The following PCDHGA1 variants were observed in gnomAD, a reference collection of about 807,000 sequenced individuals.
PCDHGA1 encodes protocadherin gamma subfamily A, 1.
PCDHGA1 carries 32 observed loss-of-function variants against 58.0 expected under a neutral mutation model. The ratio of observed to expected loss-of-function variants is 0.55; its 90% CI spans 0.42 to 0.74. The LOEUF is 0.74. PCDHGA1 is among the 30% of genes least tolerant of loss of function. The pLI is 0.00. For synonymous variants in PCDHGA1, 498 were observed against 501.1 expected (o/e 0.99, Z 0.08); for missense variants, 1,205 against 1,182.3 (o/e 1.02, Z -0.28).
chr5:141,462,388 C>T (rs529638718), intron 1 of PCDHGA1, among the ~76,000 whole-genome samples: 86 of 152,204 alleles, frequency 5.7e-4, no homozygotes, highest in Non-Finnish European at 9.4e-4. Context: ...AATTCGTTAA[C>T]ATTTCTTTTA....
At chr5:141,402,976 G>C in intron 1 of PCDHGA1, 5 of 1,608,120 alleles carry the variant, frequency 3.1e-6, no homozygotes, top group Non-Finnish European at 4.2e-6. Context: ...CCAAATGCCA[G>C]CTCCGCGGAA....
At chr5:141,346,418 G>A (rs1757749760) in intron 1 of PCDHGA1, 4 of 1,614,216 alleles carry the variant, frequency 2.5e-6, no homozygotes, top group Middle Eastern at 1.6e-4. Context: ...TGATAACTCA[G>A]GATTTACTTG....
chr5:141,448,786 A>C (rs1354591718), intron 1 of PCDHGA1, among the ~76,000 whole-genome samples: 1 of 148,848 alleles, frequency 6.7e-6, no homozygotes, highest in African/African-American at 2.5e-5. Flanking sequence ...TAAAAATACA[A>C]AAAAAAAAAT....
chr5:141,497,003 A>C (rs928317358), intron 2 of PCDHGA1, among the ~76,000 whole-genome samples: 2 of 152,148 alleles, frequency 1.3e-5, no homozygotes, highest in African/African-American at 4.8e-5. Context: ...CTGGCAGCCA[A>C]CATGGTGAAA....
chr5:141,360,599 A>G (rs1320690569), intron 1 of PCDHGA1: 2 of 1,613,866 alleles, frequency 1.2e-6, no homozygotes, highest in Non-Finnish European at 1.7e-6. Flanking sequence ...TTTCCACTTG[A>G]CCCAGCCCTG....
chr5:141,376,072 C>G (rs755171325), intron 1 of PCDHGA1: 9 of 1,613,498 alleles, frequency 5.6e-6, no homozygotes, highest in Middle Eastern at 1.7e-4. Flanking sequence ...TCACCGTGGC[C>G]GTGGCCGACA....
chr5:141,338,923 C>T (rs182504742), intron 1 of PCDHGA1: 1 of 1,513,342 alleles, frequency 6.6e-7, no homozygotes, highest in Non-Finnish European at 8.8e-7. Flanking sequence ...GATTGGAATC[C>T]GCACTGGATG....
At chr5:141,345,531 C>A (rs535264828) in intron 1 of PCDHGA1, 5 of 1,614,174 alleles carry the variant, frequency 3.1e-6, no homozygotes, top group Non-Finnish European at 4.2e-6. Context: ...CCAGGGGGCG[C>A]CCCTGTCCTC....
At chr5:141,460,926 G>A (rs1180507724) in intron 1 of PCDHGA1, among the ~76,000 whole-genome samples, 4 of 145,540 alleles carry the variant, frequency 2.7e-5, no homozygotes, top group African/African-American at 2.6e-5. Flanking sequence ...ATATATATAT[G>A]TGTGTGTGTA....
chr5:141,332,894 G>T lies in PCDHGA1; in HGVS notation c.2210G>T (p.Gly737Val), dbSNP rs200683011. The T allele has an allele frequency of 1.5e-5, 25 of 1,614,214 alleles. No homozygotes were observed. In the South Asian group the frequency reaches 2.6e-4, roughly 17 times the overall value. ...ASGGGLASMP[G>V]SHFVGVDGVR... ...GGAGGCGGCTTAGCGAGCATGCCCGGTTCGCACTTTGTGGGCGTGGACGGG... is the reference window on the plus strand; with the variant it reads ...GGAGGCGGCTTAGCGAGCATGCCCGTTTCGCACTTTGTGGGCGTGGACGGG... The change falls in exon 1 of 4, where the codon GGT becomes GTT. Residue 737 changes from glycine to valine, a missense_variant. Gly to Val is a moderately radical substitution (Grantham distance 109). Transcript: ENST00000517417. This position sits in a 1 kb window ranked among gnomAD's most constrained non-coding sequence, Gnocchi z 4.6.
intron 1 of PCDHGA1, chr5:141,387,968 G>C (rs1169859236): frequency 6.7e-7 from 1 of 1,489,402 alleles, no homozygotes; most frequent in Non-Finnish European, 9.0e-7. Context: ...TCTGCCCGGC[G>C]CTCTGTGAGC....
At position 141,431,203 on chromosome 5, in the gene PCDHGA1, T is replaced by C. The variant is rs139061906; in HGVS notation, c.2422-63604T>C. On this transcript the variant is annotated intron_variant, in intron 1 of 3. Coordinates refer to ENST00000517417, the MANE Select transcript of PCDHGA1 (RefSeq NM_018912.3). This position sits in a 1 kb window ranked among gnomAD's most constrained non-coding sequence, Gnocchi z 4.8. ...TAAAAATTAGTGAAAATGCAGCCACTGAGATGCGGTTCCCTCTACCCCACG... is the reference window on the plus strand; with the variant it reads ...TAAAAATTAGTGAAAATGCAGCCACCGAGATGCGGTTCCCTCTACCCCACG... The C allele has an allele frequency of 3.1e-6, 5 of 1,614,116 alleles. No individual in the cohort carries two copies. The highest frequency in any genetic ancestry group is 1.1e-5 in the South Asian group (1 of 91,090).
chr5:141,388,408 G>A (rs2091351933), intron 1 of PCDHGA1: 1 of 1,613,848 alleles, frequency 6.2e-7, no homozygotes, highest in African/African-American at 1.3e-5. Context: ...CTCAGTCCCA[G>A]TGATCATTTC....
At chr5:141,363,434 A>G (rs1040594076) in intron 1 of PCDHGA1, among the ~76,000 whole-genome samples, 4 of 152,234 alleles carry the variant, frequency 2.6e-5, no homozygotes, top group African/African-American at 9.6e-5. Flanking sequence ...CAACATAGAA[A>G]GGTCACTCAG....
intron 1 of PCDHGA1, chr5:141,403,227 G>C (rs2094378929): frequency 1.2e-6 from 2 of 1,608,848 alleles, no homozygotes; most frequent in African/African-American, 1.3e-5. Context: ...AGGATAGACC[G>C]GGAGGAGCTC....
intron 1 of PCDHGA1, chr5:141,405,544 C>T: frequency 1.6e-6 from 1 of 632,908 alleles, no homozygotes; most frequent in Non-Finnish European, 2.7e-6. Context: ...CTCAGCCTCC[C>T]AAGTAGAGTA....
chr5:141,404,242 G>A (rs372976589), intron 1 of PCDHGA1: 30 of 1,613,344 alleles, frequency 1.9e-5, no homozygotes, highest in Non-Finnish European at 2.4e-5. Flanking sequence ...GAGGAACTCC[G>A]CCCCTGTCCA....
chr5:141,385,608 T>C, intron 1 of PCDHGA1: 2 of 1,153,978 alleles, frequency 1.7e-6, no homozygotes, highest in Non-Finnish European at 2.2e-6. Context: ...TTAACTCATA[T>C]ATTTTATACA....
intron 1 of PCDHGA1, chr5:141,374,130 T>G (rs368568776): frequency 1.2e-5 from 20 of 1,604,086 alleles, no homozygotes; most frequent in African/African-American, 2.7e-5. Context: ...CAGGTCCTGC[T>G]CCTCACGCTC....
Sources: gnomAD v4.1 joint callset for allele counts (sites outside exome capture counted in the v4.1 genomes callset) on GRCh38, gnomAD v4.1.1 for gene constraint, Gnocchi (gnomAD v3.1) non-coding constraint, MANE v1.5 for transcripts, NCBI Gene and HGNC (gene_info 2026-07-23, HGNC 2026-07-21) for gene names.